POR: variants seen among roughly 807,000 people sequenced by gnomAD.
The protein encoded by POR is cytochrome p450 oxidoreductase, also known as NADPH--cytochrome P450 reductase.
Under a neutral mutation model 84.0 loss-of-function variants are expected in POR, and 56 were observed. That is an observed-to-expected ratio of 0.67 (90% CI 0.54 to 0.83). POR has a LOEUF of 0.83. Among genes scored for constraint, POR ranks in the 40% least tolerant of loss-of-function variants. POR has a pLI of 0.00. For missense variants in POR, 938 were observed against 944.3 expected (o/e 0.99, Z 0.09); for synonymous variants, 414 against 400.5 (o/e 1.03, Z -0.40).
Position 75,972,461 on chromosome 7 carries a change from G to T in POR, c.237G>T (p.Thr79=). ...GCTTTGTGGAAAAGATGAAGAAAACGGTGAGTTTCCTGCATGTCTTTACTC... is the reference window on the plus strand; with the variant it reads ...GCTTTGTGGAAAAGATGAAGAAAACTGTGAGTTTCCTGCATGTCTTTACTC... The change falls in exon 3 of 16, where the codon ACG becomes ACT. Residue 79 remains threonine (T), a splice_region_variant and synonymous_variant. Transcript: ENST00000461988. The T allele has an allele frequency of 6.2e-7, 1 of 1,604,376 alleles. No individual in the cohort carries two copies. The highest frequency in any genetic ancestry group is 8.5e-7 in the Non-Finnish European group (1 of 1,175,318).
At chr7:75,938,210 G>A (rs781959258) in intron 1 of POR, among the ~76,000 whole-genome samples, 1 of 152,210 alleles carries the variant, frequency 6.6e-6, no homozygotes, top group Non-Finnish European at 1.5e-5. Context: ...GTTGTGTGGG[G>A]AAAAGGCCAT....
chr7:75,982,020 C>T, intron 7 of POR: 1 of 593,168 alleles, frequency 1.7e-6, no homozygotes, highest in South Asian at 2.0e-5. Flanking sequence ...GGCGTCTGGC[C>T]CCCGGCAGCT....
At chr7:75,937,592 G>C (rs536744870) in intron 1 of POR, among the ~76,000 whole-genome samples, 3 of 151,502 alleles carry the variant, frequency 2.0e-5, no homozygotes, top group African/African-American at 7.3e-5. Context: ...GACCAGCCTG[G>C]CCAGCATGGC....
chr7:75,931,034 GCTGGTCTCAAACTC>G (rs1807391101), intron 1 of POR, among the ~76,000 whole-genome samples: 1 of 151,758 alleles, frequency 6.6e-6, no homozygotes, highest in Non-Finnish European at 1.5e-5. Context: ...TGTTACCCAG[GCTGGTCTCAAACTC>G]CTGGCCTCAA....
chr7:75,922,570 C>T (rs568148324), intron 1 of POR, among the ~76,000 whole-genome samples: 2 of 152,230 alleles, frequency 1.3e-5, no homozygotes, highest in Admixed American at 6.5e-5. Context: ...GCAGTCTGCC[C>T]GCCTCGGCCT....
rs372623440 is a variant in POR, at chr7:75,979,538, G to A, written c.325G>A (p.Gly109Arg). ...CCTGTCCAAGGACGCCCACCGCTAC[G>A]GGATGCGAGGCATGTCAGCGGACCC... is the stretch of plus-strand genomic sequence containing the variant. Residue 109 changes from glycine to arginine, a missense_variant, in exon 4 of 16, where the codon GGG (glycine) becomes AGG (arginine). By Grantham distance (125) the Gly-to-Arg change is moderately radical. Coordinates refer to ENST00000461988, the MANE Select transcript of POR (RefSeq NM_000941.3). The A allele has an allele frequency of 5.0e-5, 80 of 1,613,536 alleles. No homozygotes were observed. Among genetic ancestry groups the A allele is most frequent in the Admixed American group, 1.2e-4 (7 of 60,006 alleles).
chr7:75,951,967 A>AC (rs1187065602), intron 1 of POR, among the ~76,000 whole-genome samples: 7 of 141,010 alleles, frequency 5.0e-5, no homozygotes, highest in Non-Finnish European at 7.8e-5. Context: ...CGGGGGGCTG[A>AC]CCCCCCCACC....
Position 75,985,581 on chromosome 7 carries a change from C to G in POR, c.1401C>G (p.Val467=). 2.6e-6 allele frequency: 4 copies of G among 1,538,842 alleles called. No homozygotes were observed. Among genetic ancestry groups the G allele is most frequent in the Non-Finnish European group, 3.5e-6 (4 of 1,137,824 alleles). Residue 467 remains valine (V), a splice_region_variant and synonymous_variant, in exon 13 of 16, where the codon GTC becomes GTG. Transcript: ENST00000461988. ...AGCTCACACGGCCCTCCCCACAGGT[C>G]CACCCCAACTCTGTGCACATCTGTG...
intron 1 of POR, among the ~76,000 whole-genome samples, chr7:75,950,038 AT>A (rs1255870554): frequency 4.7e-4 from 65 of 139,294 alleles, no homozygotes; most frequent in Middle Eastern, 4.1e-3. Context: ...AATTTCTTGT[AT>A]TTTTTTTTTT....
intron 1 of POR, among the ~76,000 whole-genome samples, chr7:75,952,063 C>T (rs1787448925): frequency 7.0e-6 from 1 of 143,562 alleles, no homozygotes; most frequent in South Asian, 2.2e-4. Flanking sequence ...CCTCACCTCC[C>T]GGATGGGGTG....
chr7:75,952,297 C>G, intron 1 of POR, among the ~76,000 whole-genome samples: 1 of 147,034 alleles, frequency 6.8e-6, no homozygotes. Flanking sequence ...CTGACCCCCC[C>G]ACCTCCCTCC....
chr7:75,975,289 A>C (rs1788628426), intron 3 of POR, among the ~76,000 whole-genome samples: 1 of 152,160 alleles, frequency 6.6e-6, no homozygotes, highest in Non-Finnish European at 1.5e-5. Flanking sequence ...CTGTCTAAAC[A>C]CCATGTATTA....
intron 1 of POR, among the ~76,000 whole-genome samples, chr7:75,924,838 A>T (rs1298831275): frequency 2.0e-5 from 3 of 152,236 alleles, no homozygotes; most frequent in Non-Finnish European, 2.9e-5. Flanking sequence ...TCATGTAACC[A>T]ACGTAGCACT....
At chr7:75,936,067 C>T (rs995609287) in intron 1 of POR, among the ~76,000 whole-genome samples, 4 of 135,346 alleles carry the variant, frequency 3.0e-5, no homozygotes, top group Non-Finnish European at 4.8e-5. Flanking sequence ...TTTCCAGTGT[C>T]TTTACTGTTT....
chr7:75,954,584 A>C (rs1024678120), intron 2 of POR, among the ~76,000 whole-genome samples: 4 of 151,788 alleles, frequency 2.6e-5, no homozygotes, highest in Non-Finnish European at 5.9e-5. Context: ...CCCAGGCTGG[A>C]GTGCAATGGC....
Position 75,981,497 on chromosome 7 carries a change from CT to C in POR, c.642-19del. On this transcript the variant is annotated intron_variant, in intron 6 of 15. Transcript: ENST00000461988. ...ATGGGCCTCCCCTGAGCCGCTCCCC[CT>C]CTCCTCTCCTCGGCCCAGCTTGGAG... 1 of 1,602,960 alleles carries C rather than the reference CT, an allele frequency of 6.2e-7. No individual in the cohort carries two copies. Among genetic ancestry groups the C allele is most frequent in the Non-Finnish European group, 8.5e-7 (1 of 1,174,552 alleles).
At chr7:75,933,398 TTTTTTTTTG>T (rs1807519302) in intron 1 of POR, among the ~76,000 whole-genome samples, 1 of 121,392 alleles carries the variant, frequency 8.2e-6, no homozygotes, top group South Asian at 2.6e-4. Flanking sequence ...TTTTTTTTTT[TTTTTTTTTG>T]AGCGGAGTTT....
At chr7:75,965,080 G>A (rs575702554) in intron 2 of POR, among the ~76,000 whole-genome samples, 44 of 152,308 alleles carry the variant, frequency 2.9e-4, no homozygotes, top group African/African-American at 9.1e-4. Context: ...GGGAGCTGGG[G>A]AAGCCTGTGT....
chr7:75,948,452 G>A (rs145123449), intron 1 of POR, among the ~76,000 whole-genome samples: 19 of 152,266 alleles, frequency 1.2e-4, no homozygotes, highest in South Asian at 4.1e-4. Flanking sequence ...TTCGTTTTGC[G>A]TGTTAGTTTC....
Sources: allele counts gnomAD v4.1 joint callset (sites outside exome capture counted in the v4.1 genomes callset), GRCh38; gene constraint gnomAD v4.1.1; transcripts MANE v1.5; gene names NCBI Gene and HGNC (gene_info 2026-07-23, HGNC 2026-07-21).